The following ROBO2 variants were observed in gnomAD, a reference collection of about 807,000 sequenced individuals.
The protein encoded by ROBO2 is roundabout homolog 2.
ROBO2 carries 53 observed loss-of-function variants against 160.8 expected under a neutral mutation model. That is an observed-to-expected ratio of 0.33 (90% CI 0.26 to 0.41). ROBO2 has a LOEUF of 0.41. Among genes scored for constraint, ROBO2 ranks in the 10% least tolerant of loss-of-function variants. The probability of loss-of-function intolerance (pLI) is 1.00; values close to 1 mark genes in which losing one functional copy is unlikely to be tolerated. For synonymous variants in ROBO2, 664 were observed against 611.7 expected (o/e 1.09, Z -1.26); for missense variants, 1,577 against 1,722.4 (o/e 0.92, Z 1.49).
chr3:76,110,999 A>C (rs1269086071), intron 2 of ROBO2, among the ~76,000 whole-genome samples: 1 of 152,062 alleles, frequency 6.6e-6, no homozygotes, highest in Non-Finnish European at 1.5e-5. Context: ...TGGCCTGCCT[A>C]GTGTTAATGG....
intron 2 of ROBO2, among the ~76,000 whole-genome samples, chr3:77,277,833 G>A (rs776725878): frequency 2.6e-5 from 4 of 152,080 alleles, no homozygotes; most frequent in Admixed American, 6.5e-5. Context: ...TGGGATTGCC[G>A]GGTCAAACAG....
At chr3:77,011,514 A>C (rs1007365341) in intron 2 of ROBO2, among the ~76,000 whole-genome samples, 1 of 151,860 alleles carries the variant, frequency 6.6e-6, no homozygotes, top group Admixed American at 6.6e-5. Flanking sequence ...CTTCTGCTTG[A>C]CTTTGGCCAA....
chr3:77,463,714 G>A (rs1374898), intron 2 of ROBO2, among the ~76,000 whole-genome samples: 55,266 of 151,854 alleles, frequency 0.36, 10,299 homozygotes, highest in Admixed American at 0.47. Flanking sequence ...CAAAGTAGCT[G>A]TGACTACAGG....
At chr3:76,136,250 C>G (rs2071425392) in intron 2 of ROBO2, among the ~76,000 whole-genome samples, 1 of 152,080 alleles carries the variant, frequency 6.6e-6, no homozygotes, top group African/African-American at 2.4e-5. Context: ...CTGAAGTTGA[C>G]AGTGCTGTAA....
intron 2 of ROBO2, among the ~76,000 whole-genome samples, chr3:76,953,167 G>T (rs995237754): frequency 6.6e-6 from 1 of 152,152 alleles, no homozygotes. Context: ...GGTTGACTTT[G>T]CTAACCTCAG....
intron 2 of ROBO2, among the ~76,000 whole-genome samples, chr3:76,085,188 GTA>G (rs2068970668): frequency 6.7e-6 from 1 of 149,900 alleles, no homozygotes. Context: ...TTGAGTATAT[GTA>G]TATAGAAACA....
chr3:77,411,010 G>T (rs2076757521), intron 2 of ROBO2, among the ~76,000 whole-genome samples: 1 of 151,808 alleles, frequency 6.6e-6, no homozygotes, highest in Non-Finnish European at 1.5e-5. Context: ...TTGCTATTTT[G>T]CCCAGCTGTT....
At chr3:76,932,728 A>G (rs2077429339) in intron 2 of ROBO2, among the ~76,000 whole-genome samples, 1 of 152,202 alleles carries the variant, frequency 6.6e-6, no homozygotes, top group African/African-American at 2.4e-5. Flanking sequence ...TATATGTTGT[A>G]TTATGAGGAA....
chr3:76,516,411 C>G (rs898482007), intron 2 of ROBO2, among the ~76,000 whole-genome samples: 1 of 152,136 alleles, frequency 6.6e-6, no homozygotes, highest in African/African-American at 2.4e-5. Flanking sequence ...TCATTAGTCT[C>G]TTTGAAGTTC....
intron 16 of ROBO2, among the ~76,000 whole-genome samples, chr3:77,586,796 C>T (rs2094061924): frequency 6.7e-6 from 1 of 149,824 alleles, no homozygotes; most frequent in Non-Finnish European, 1.5e-5. Flanking sequence ...AAAATATGAG[C>T]TCATTTTAAA....
rs983024697 is a variant in ROBO2, at chr3:76,343,474, G to T, written c.109+405872G>T. Reference sequence around the variant, plus strand: ...TGAAGTCCTTCTAGAATGAAGTTTTGCACATGAGAACTTATCGAATATAAC... The same window carrying T: ...TGAAGTCCTTCTAGAATGAAGTTTTTCACATGAGAACTTATCGAATATAAC... On this transcript the variant is annotated intron_variant, in intron 2 of 26. Coordinates refer to the ROBO2 transcript ENST00000487694. Among the ~76,000 whole-genome samples, 8 of 151,944 alleles carry T rather than the reference G, an allele frequency of 5.3e-5. No homozygotes were observed. The South Asian group carries it at 8.3e-4, about 16-fold the overall frequency.
chr3:76,360,838 G>A (rs944772611), intron 2 of ROBO2, among the ~76,000 whole-genome samples: 1 of 151,998 alleles, frequency 6.6e-6, no homozygotes, highest in African/African-American at 2.4e-5. Flanking sequence ...TGCAATGGCT[G>A]GAGACAGAAC....
chr3:77,171,456 G>A (rs751183974), intron 2 of ROBO2, among the ~76,000 whole-genome samples: 1 of 152,132 alleles, frequency 6.6e-6, no homozygotes, highest in South Asian at 2.1e-4. Context: ...AAGAAAAAAA[G>A]TATTTTACTT....
intron 2 of ROBO2, among the ~76,000 whole-genome samples, chr3:76,266,608 T>G (rs534570568): frequency 1.3e-5 from 2 of 151,992 alleles, no homozygotes; most frequent in Admixed American, 6.6e-5. Flanking sequence ...TTTTCAGGGG[T>G]CATACAGAGT....
intron 2 of ROBO2, among the ~76,000 whole-genome samples, chr3:76,587,084 G>T (rs921057767): frequency 1.3e-5 from 2 of 152,184 alleles, no homozygotes; most frequent in Non-Finnish European, 2.9e-5. Context: ...AACAAGGAAG[G>T]GGGGTAGATA....
intron 2 of ROBO2, among the ~76,000 whole-genome samples, chr3:77,243,648 T>G (rs188782045): frequency 1.1e-3 from 172 of 152,292 alleles, no homozygotes; most frequent in Non-Finnish European, 2.0e-3. Context: ...CAGCACTGGT[T>G]TTTGTCATTA....
At chr3:76,012,926 C>T (rs939920379) in intron 2 of ROBO2, among the ~76,000 whole-genome samples, 12 of 138,668 alleles carry the variant, frequency 8.7e-5, no homozygotes, top group Non-Finnish European at 1.5e-5. Context: ...GGCACGGTGG[C>T]TTACGCGTGT....
intron 2 of ROBO2, among the ~76,000 whole-genome samples, chr3:76,666,828 T>G (rs1202904053): frequency 6.6e-6 from 1 of 152,156 alleles, no homozygotes; most frequent in Admixed American, 6.6e-5. Flanking sequence ...TTTTTAAAGC[T>G]TGTTGATGTG....
chr3:76,299,621 T>C (rs1355339230), intron 2 of ROBO2, among the ~76,000 whole-genome samples: 2 of 152,122 alleles, frequency 1.3e-5, no homozygotes, highest in Non-Finnish European at 2.9e-5. Flanking sequence ...GAAAAGACTA[T>C]TGTGTCCACA....
Sources: allele counts gnomAD v4.1 joint callset (sites outside exome capture counted in the v4.1 genomes callset), GRCh38; gene constraint gnomAD v4.1.1; transcripts MANE v1.5; gene names NCBI Gene and HGNC (gene_info 2026-07-23, HGNC 2026-07-21).